The following MIB1 variants were observed in gnomAD, a reference collection of about 807,000 sequenced individuals.
The protein encoded by MIB1 is E3 ubiquitin-protein ligase MIB1.
MIB1 carries 278 observed loss-of-function variants against 124.5 expected under a neutral mutation model. The ratio of observed to expected loss-of-function variants is 2.23; its 90% CI spans 2.02 to 2.47. The LOEUF (loss-of-function observed/expected upper bound fraction) is 2.47. Among genes scored for constraint, MIB1 ranks in the 30% most tolerant of loss-of-function variants. The probability of loss-of-function intolerance (pLI) is 0.00; values close to 1 mark genes in which losing one functional copy is unlikely to be tolerated. For synonymous variants in MIB1, 446 were observed against 429.4 expected (o/e 1.04, Z -0.48); for missense variants, 957 against 1,254.4 (o/e 0.76, Z 3.58).
intron 4 of MIB1, among the ~76,000 whole-genome samples, chr18:21,777,838 G>T (rs893701619): frequency 6.6e-6 from 1 of 152,154 alleles, no homozygotes; most frequent in African/African-American, 2.4e-5. Context: ...GATTACAGGC[G>T]TGAGCCAACG....
intron 17 of MIB1, among the ~76,000 whole-genome samples, chr18:21,849,867 T>A (rs534199223): frequency 6.6e-6 from 1 of 152,280 alleles, no homozygotes; most frequent in South Asian, 2.1e-4. Context: ...TGTCACACAT[T>A]CTAGATTTGA....
In MIB1 at chr18:21,768,107, A is replaced by G. The variant is rs80046194; in HGVS notation, c.402-516A>G. On this transcript the variant is annotated intron_variant, in intron 2 of 20. Coordinates refer to ENST00000261537, the MANE Select transcript of MIB1 (RefSeq NM_020774.4). ...AGTCTGAGGTCAAGTGCCATTTGCCATTGTAGTGCTGTCTTTCTTGGGCTG... is the reference window on the plus strand; with the variant it reads ...AGTCTGAGGTCAAGTGCCATTTGCCGTTGTAGTGCTGTCTTTCTTGGGCTG... Among the ~76,000 whole-genome samples the G allele has an allele frequency of 1.8e-4, 27 of 152,314 alleles. 1 individual carries two copies. In the East Asian group the frequency reaches 5.2e-3, roughly 29 times the overall value.
intron 1 of MIB1, among the ~76,000 whole-genome samples, chr18:21,724,723 AAAAAATATATATATATATATATATATAT>A (rs1241720432): frequency 3.5e-4 from 19 of 53,866 alleles, no homozygotes; most frequent in Admixed American, 7.2e-4. Flanking sequence ...AAAAAAAAAA[AAAAAATATATATATATATATATATATAT>A]ATATATATAT....
intron 6 of MIB1, among the ~76,000 whole-genome samples, chr18:21,780,861 C>A (rs918283641): frequency 2.0e-5 from 3 of 152,126 alleles, no homozygotes; most frequent in Admixed American, 6.5e-5. Context: ...CTTTGACATA[C>A]TGATATTCTT....
At chr18:21,829,572 C>T (rs1304118856) in intron 12 of MIB1, 2 of 151,758 alleles carry the variant, frequency 1.3e-5, no homozygotes, top group African/African-American at 2.4e-5. Flanking sequence ...GTTGAAACAA[C>T]AAGGAGAAAA....
At chr18:21,721,158 A>AG (rs2040712715) in intron 1 of MIB1, among the ~76,000 whole-genome samples, 2 of 73,084 alleles carry the variant, frequency 2.7e-5, no homozygotes, top group African/African-American at 9.2e-5. Flanking sequence ...ATTTTAAAGA[A>AG]GTTTTTTTTT....
At chr18:21,858,374 A>G (rs1437087290) in intron 19 of MIB1, among the ~76,000 whole-genome samples, 172 bp from the exon 20 acceptor site, 1 of 152,260 alleles carries the variant, frequency 6.6e-6, no homozygotes, top group Non-Finnish European at 1.5e-5. Flanking sequence ...ATAAATGGAA[A>G]AGTGTAACAG....
chr18:21,709,216 G>T (rs958465606), intron 1 of MIB1, among the ~76,000 whole-genome samples: 5 of 151,938 alleles, frequency 3.3e-5, no homozygotes, highest in South Asian at 4.2e-4. Flanking sequence ...TACTCAGGAG[G>T]CTGAGGCAGG....
At chr18:21,705,270 C>T (rs2040613926) in intron 1 of MIB1, 2 of 152,368 alleles carry the variant, frequency 1.3e-5, no homozygotes, top group South Asian at 2.1e-4. Context: ...ACAGTGAGGA[C>T]ATCATACTCG....
Position 21,864,513 on chromosome 18 carries a change from T to C in MIB1, c.2881-13T>C. 1 of 1,598,176 alleles carries C rather than the reference T, an allele frequency of 6.3e-7. No homozygotes were observed. Among genetic ancestry groups the C allele is most frequent in the Non-Finnish European group, 8.6e-7 (1 of 1,167,360 alleles). On this transcript the variant is annotated splice_polypyrimidine_tract_variant and intron_variant, in intron 20 of 20. Transcript: ENST00000261537. ...AAGTGTCTAATTTATTACTTTGTTA[T>C]CTCACATTACAGACAATGTGCCCTG...
At chr18:21,765,994 G>A (rs1396302362) in intron 2 of MIB1, 51 bp downstream of exon 2, 2 of 1,548,964 alleles carry the variant, frequency 1.3e-6, no homozygotes. Context: ...TTGTATTCAA[G>A]TTATGTACTT....
intron 10 of MIB1, 61 bp downstream of exon 10, chr18:21,804,075 A>T: frequency 8.6e-7 from 1 of 1,163,206 alleles, no homozygotes; most frequent in East Asian, 2.5e-5. Context: ...ATACTTCTAT[A>T]TCATGAGATG....
At chr18:21,847,385 G>C (rs1461971596) in intron 16 of MIB1, among the ~76,000 whole-genome samples, 15 of 152,098 alleles carry the variant, frequency 9.9e-5, no homozygotes, top group Admixed American at 9.8e-4. Context: ...TTCTAAACTA[G>C]TCTGATCTTC....
At chr18:21,787,102 T>A (rs1385499902) in intron 6 of MIB1, among the ~76,000 whole-genome samples, 1 of 152,112 alleles carries the variant, frequency 6.6e-6, no homozygotes, top group Non-Finnish European at 1.5e-5. Flanking sequence ...TGCAATTGCC[T>A]GTTGAATCCC....
chr18:21,827,293 C>A (rs995517222), intron 12 of MIB1: 1 of 151,926 alleles, frequency 6.6e-6, no homozygotes, highest in African/African-American at 2.4e-5. Flanking sequence ...AAGTTAAACT[C>A]GCAAGCACCA....
intron 1 of MIB1, among the ~76,000 whole-genome samples, chr18:21,743,198 G>A (rs1441473701): frequency 6.6e-6 from 1 of 152,200 alleles, no homozygotes; most frequent in Non-Finnish European, 1.5e-5. Flanking sequence ...TAGTCTTGCA[G>A]AATACTCTAT....
At chr18:21,851,248 A>G (rs2042177393) in intron 17 of MIB1, among the ~76,000 whole-genome samples, 1 of 152,172 alleles carries the variant, frequency 6.6e-6, no homozygotes, top group Admixed American at 6.5e-5. Flanking sequence ...GTTATGATGC[A>G]TAGACAAAAT....
intron 1 of MIB1, among the ~76,000 whole-genome samples, chr18:21,730,561 C>T (rs2040764301): frequency 6.6e-6 from 1 of 151,922 alleles, no homozygotes; most frequent in Non-Finnish European, 1.5e-5. Flanking sequence ...GAGTAAGACT[C>T]TGTCTAAAAA....
chr18:21,842,578 C>T (rs1420500709), intron 13 of MIB1, among the ~76,000 whole-genome samples: 2 of 152,026 alleles, frequency 1.3e-5, no homozygotes, highest in Non-Finnish European at 1.5e-5. Flanking sequence ...CTTCAGCTGC[C>T]CTAGGTTCTT....
Sources: allele counts gnomAD v4.1 joint callset (sites outside exome capture counted in the v4.1 genomes callset), GRCh38; gene constraint gnomAD v4.1.1; transcripts MANE v1.5; gene names NCBI Gene and HGNC (gene_info 2026-07-23, HGNC 2026-07-21).